The following RASSF6 variants were observed in gnomAD, a reference collection of about 807,000 sequenced individuals.
RASSF6 encodes the protein ras association domain-containing protein 6.
A neutral mutation model predicts 44.0 loss-of-function variants in RASSF6; 52 were observed. The ratio of observed to expected loss-of-function variants is 1.18; its 90% CI spans 0.95 to 1.49. The LOEUF (loss-of-function observed/expected upper bound fraction) is 1.49, where lower values mean the gene tolerates loss of function less well. RASSF6 is among the 40% of genes most tolerant of loss of function. The pLI is 0.00. For synonymous variants in RASSF6, 162 were observed against 124.6 expected, an observed-to-expected ratio of 1.30 and a Z score of -2.00; for missense variants, 464 against 393.3, an observed-to-expected ratio of 1.18 and a Z score of -1.52.
At chr4:73,603,045 G>A (rs1373326844) in intron 2 of RASSF6, among the ~76,000 whole-genome samples, 3 of 152,018 alleles carry the variant, frequency 2.0e-5, no homozygotes, top group Admixed American at 1.3e-4. Context: ...CCCAGATTGC[G>A]CCACTGCACT....
At chr4:73,606,052 T>A (rs1026228302) in intron 2 of RASSF6, among the ~76,000 whole-genome samples, 2 of 152,198 alleles carry the variant, frequency 1.3e-5, no homozygotes, top group African/African-American at 4.8e-5. Flanking sequence ...AACCCAACAA[T>A]CCCTTTACTG....
intron 1 of RASSF6, among the ~76,000 whole-genome samples, chr4:73,613,639 T>C (rs925813431): frequency 6.6e-6 from 1 of 152,180 alleles, no homozygotes; most frequent in Non-Finnish European, 1.5e-5. Context: ...GCCTATACCT[T>C]GCCAAAGAGT....
rs1723112656 is a variant in RASSF6, at chr4:73,574,811, C to G, written c.*1424G>C. On this transcript the variant is annotated 3_prime_UTR_variant, in exon 11 of 11. Transcript: ENST00000307439. ...GACTTGGTTCTTCTCTTATACATTT[C>G]AGTCTATTGAAGACTAACCTTTTGT... 1 of 151,936 alleles carries G rather than the reference C, an allele frequency of 6.6e-6. No individual in the cohort carries two copies. The allele number at this position is 151,936 out of a possible 1,614,324, so 9.4% of individuals were successfully genotyped here.
rs570606495 is a variant in RASSF6, at chr4:73,580,028, C to T, written c.721+1789G>A. On this transcript the variant is annotated intron_variant, in intron 8 of 10. Transcript: ENST00000307439. ...CTAATGCTATCCCTCCCCCCTCCCC[C>T]GACCCCACAACAGTCCCCAGAGTGT... Among the ~76,000 whole-genome samples the T allele has an allele frequency of 8.7e-4, 110 of 126,436 alleles. 1 individual carries two copies. The South Asian group carries it at 0.026, about 30-fold the overall frequency. 82.9% of individuals were successfully genotyped at this position (126,436 alleles called of 152,430 possible).
At chr4:73,604,504 C>G (rs1450117778) in intron 2 of RASSF6, 1 of 152,236 alleles carries the variant, frequency 6.6e-6, no homozygotes, top group Non-Finnish European at 1.5e-5. Flanking sequence ...CAAAACAAAG[C>G]AAAACAACCA....
At chr4:73,602,480 G>C (rs898776512) in intron 2 of RASSF6, among the ~76,000 whole-genome samples, 12 of 152,178 alleles carry the variant, frequency 7.9e-5, no homozygotes, top group Non-Finnish European at 1.8e-4. Context: ...AGAACCAAAG[G>C]CAATCACTAA....
At chr4:73,617,826 A>C (rs1411816143) in intron 1 of RASSF6, among the ~76,000 whole-genome samples, 2 of 152,232 alleles carry the variant, frequency 1.3e-5, no homozygotes, top group African/African-American at 2.4e-5. Flanking sequence ...TGAAAGGAAA[A>C]TATTCAGAAT....
chr4:73,611,135 C>G (rs1487731538), intron 2 of RASSF6, among the ~76,000 whole-genome samples: 2 of 152,056 alleles, frequency 1.3e-5, no homozygotes, highest in Admixed American at 6.6e-5. Context: ...GTTTCAGTAC[C>G]ACTTATTTTT....
chr4:73,587,735 T>C (rs1420736486), intron 5 of RASSF6, 105 bp downstream of exon 5: 13 of 587,412 alleles, frequency 2.2e-5, no homozygotes, highest in Middle Eastern at 2.9e-4. Context: ...CAAGAGTTTA[T>C]TGTGTAGTAG....
At chr4:73,590,441 A>T (rs576636616) in intron 4 of RASSF6, among the ~76,000 whole-genome samples, 1 of 152,214 alleles carries the variant, frequency 6.6e-6, no homozygotes, top group Non-Finnish European at 1.5e-5. Context: ...GGTGCCCACT[A>T]TGGGAAAAAG....
intron 6 of RASSF6, among the ~76,000 whole-genome samples, chr4:73,583,913 C>T (rs918660653): frequency 2.0e-5 from 3 of 152,128 alleles, no homozygotes; most frequent in African/African-American, 7.2e-5. Context: ...ACCACCATTC[C>T]GTGCTGCCAA....
In RASSF6 at chr4:73,572,703, T is replaced by C. The variant is rs1298217583; in HGVS notation, c.*3532A>G. On this transcript the variant is annotated 3_prime_UTR_variant, in exon 11 of 11. Coordinates refer to ENST00000307439, the MANE Select transcript of RASSF6 (RefSeq NM_177532.5). ...AATAATTGATTTGAAATTTTTTGCA[T>C]TTGGTAGAACTCTGTGCTTGCATGT... The C allele has an allele frequency of 6.6e-6, 1 of 152,206 alleles. No homozygotes were observed. Among genetic ancestry groups the C allele is most frequent in the African/African-American group, 2.4e-5 (1 of 41,462 alleles). The allele number at this position is 152,206 out of a possible 1,614,324, so 9.4% of individuals were successfully genotyped here. A position where few individuals can be genotyped will look rare whatever the true frequency, so the allele number is the denominator to read the frequency against.
chr4:73,613,746 A>G (rs1726173971), intron 1 of RASSF6, among the ~76,000 whole-genome samples: 1 of 152,142 alleles, frequency 6.6e-6, no homozygotes, highest in Non-Finnish European at 1.5e-5. Context: ...TTTGAGACAA[A>G]CCATGAATAA....
intron 3 of RASSF6, among the ~76,000 whole-genome samples, chr4:73,596,803 C>T (rs1015451734): frequency 6.6e-6 from 1 of 151,980 alleles, no homozygotes; most frequent in African/African-American, 2.4e-5. Flanking sequence ...GAGTAGAGAA[C>T]CCAGAAATGA....
chr4:73,585,933 T>G (rs1578027850), intron 5 of RASSF6, among the ~76,000 whole-genome samples: 1 of 150,128 alleles, frequency 6.7e-6, no homozygotes, highest in Non-Finnish European at 1.5e-5. Flanking sequence ...GCTGCACCCA[T>G]TAACTCGTCA....
intron 4 of RASSF6, among the ~76,000 whole-genome samples, chr4:73,588,502 G>A (rs1232710714): frequency 6.6e-6 from 1 of 152,042 alleles, no homozygotes; most frequent in Non-Finnish European, 1.5e-5. Context: ...GCAATTTTAA[G>A]TGCATTCTAG....
At position 73,589,692 on chromosome 4, in the gene RASSF6, A is replaced by G. The variant is rs1026104002; in HGVS notation, c.288-1758T>C. Among the ~76,000 whole-genome samples, 4 of 152,294 alleles carry G rather than the reference A, an allele frequency of 2.6e-5. No individual in the cohort carries two copies. In the East Asian group the frequency reaches 7.7e-4, roughly 29 times the overall value. ...TGTGCACATGACTAAGCTTCAGGGC[A>G]GTTATCCAGAGTTTTCAAGAGAAAA... is the stretch of plus-strand genomic sequence containing the variant. On this transcript the variant is annotated intron_variant, in intron 4 of 10. Transcript: ENST00000307439.
At chr4:73,597,002 T>C (rs1307229119) in intron 3 of RASSF6, among the ~76,000 whole-genome samples, 1 of 152,166 alleles carries the variant, frequency 6.6e-6, no homozygotes, top group African/African-American at 2.4e-5. Flanking sequence ...AAATGTAAAA[T>C]GTAAAACTAC....
At chr4:73,584,142 TC>T in intron 6 of RASSF6, among the ~76,000 whole-genome samples, 1 of 152,102 alleles carries the variant, frequency 6.6e-6, no homozygotes. Context: ...ACCCTAAAAT[TC>T]TGATATGAAT....
Sources: allele counts gnomAD v4.1 joint callset (sites outside exome capture counted in the v4.1 genomes callset), GRCh38; gene constraint gnomAD v4.1.1; transcripts MANE v1.5; gene names NCBI Gene and HGNC (gene_info 2026-07-23, HGNC 2026-07-21).